RGS12: variants seen among roughly 807,000 people sequenced by gnomAD.
The protein encoded by RGS12 is regulator of G protein signaling 12.
A neutral mutation model predicts 120.1 loss-of-function variants in RGS12; 66 were observed. The observed-to-expected ratio is 0.55, with a 90% CI of 0.45 to 0.67. The LOEUF (loss-of-function observed/expected upper bound fraction) is 0.67. RGS12 is among the 30% of genes least tolerant of loss of function. The pLI, the probability that RGS12 is intolerant of heterozygous loss-of-function variation, is 0.00. For synonymous variants in RGS12, 827 were observed against 804.7 expected (o/e 1.03, Z -0.47); for missense variants, 1,859 against 1,957.7 (o/e 0.95, Z 0.95).
rs1298709393 is a variant in RGS12, at chr4:3,414,736, T to A, written c.2191-16T>A. 6.4e-7 allele frequency: 1 copy of A among 1,557,624 alleles called. No homozygotes were observed. Among genetic ancestry groups the A allele is most frequent in the Admixed American group, 1.7e-5 (1 of 59,934 alleles). ...CCTGTGTCAGTGTTAATAAATGGTGTCTTTGTCTTTCTTAGGATTTTCTAA... is the reference window on the plus strand; with the variant it reads ...CCTGTGTCAGTGTTAATAAATGGTGACTTTGTCTTTCTTAGGATTTTCTAA... On this transcript the variant is annotated splice_polypyrimidine_tract_variant and intron_variant, in intron 5 of 17. Coordinates refer to ENST00000336727, the MANE Select transcript of RGS12 (RefSeq NM_001394154.1).
At position 3,317,634 on chromosome 4, in the gene RGS12, C is replaced by T. The variant is rs770383980; in HGVS notation, c.1464C>T (p.Ala488=). The T allele has an allele frequency of 1.1e-5, 18 of 1,590,138 alleles. No homozygotes were observed. The highest frequency in any genetic ancestry group is 6.8e-5 in the South Asian group (6 of 88,414). Reference sequence around the variant, plus strand: ...CCGAAGGGAGCCCCCCATTTGAGGCCGCTCATCAGACTGACAGGTTCTGGG... The same window carrying T: ...CCGAAGGGAGCCCCCCATTTGAGGCTGCTCATCAGACTGACAGGTTCTGGG... ...PDPEGSPPFE[A]AHQTDRFWDL... Residue 488 remains alanine (A), a synonymous_variant, in exon 2 of 18, where the codon GCC becomes GCT. Transcript: ENST00000336727.
At chr4:3,294,710 C>T (rs904320658) in intron 1 of RGS12, among the ~76,000 whole-genome samples, 5 of 152,202 alleles carry the variant, frequency 3.3e-5, no homozygotes, top group African/African-American at 1.2e-4. Context: ...CAAGTCCAGC[C>T]TTATCTCTGA....
rs1040422867 is a variant in RGS12 at position 3,389,549 on chromosome 4, G to A, written c.2020+3112G>A. On this transcript the variant is annotated intron_variant, in intron 4 of 17. Transcript: ENST00000336727. This position sits in a 1 kb window ranked among gnomAD's most constrained non-coding sequence, Gnocchi z 5.2. ...TCTGCACAGAGCTGGAGCCGCGGCC[G>A]CACAGAAGCCCGTTCTTGTGGCTTC... 1.3e-5 allele frequency among the ~76,000 whole-genome samples: 2 copies of A among 152,140 alleles called. No homozygotes were observed. The highest frequency in any genetic ancestry group is 2.9e-5 in the Non-Finnish European group (2 of 68,020).
Position 3,414,797 on chromosome 4 carries a change from C to T in RGS12, c.2236C>T (p.Gln746Ter). Residue 746 changes from glutamine to a stop codon, truncating the protein, a stop_gained, in exon 6 of 18, where the codon CAG (glutamine) becomes TAG (stop). Transcript: ENST00000336727. LOFTEE classifies it high-confidence loss of function. The part of the protein sequence containing the change: ...EFSEENILFW[Q>*]ACEYFNHVPA... ...CAGTGAAGAAAACATTTTATTCTGG[C>T]AGGCCTGTGAATATTTTAATCATGT... 1.9e-6 allele frequency: 3 copies of T among 1,613,618 alleles called. No individual in the cohort carries two copies. The highest frequency in any genetic ancestry group is 2.5e-6 in the Non-Finnish European group (3 of 1,179,576).
intron 1 of RGS12, among the ~76,000 whole-genome samples, chr4:3,311,976 C>T (rs1724430653): frequency 6.6e-6 from 1 of 152,146 alleles, no homozygotes; most frequent in Non-Finnish European, 1.5e-5. Flanking sequence ...GTTCCCTTTT[C>T]CACACAGTGA....
intron 1 of RGS12, among the ~76,000 whole-genome samples, chr4:3,313,478 G>A (rs1197639923): frequency 6.6e-6 from 1 of 152,170 alleles, no homozygotes; most frequent in Non-Finnish European, 1.5e-5. Flanking sequence ...CCCCTCACCC[G>A]TGACAAAGTG....
Position 3,414,855 on chromosome 4 carries a change from G to A in RGS12, c.2283+11G>A, listed in dbSNP as rs201389750. 6 of 1,597,766 alleles carry A rather than the reference G, an allele frequency of 3.8e-6. No homozygotes were observed. The highest frequency in any genetic ancestry group is 2.2e-5 in the East Asian group (1 of 44,798). On this transcript the variant is annotated intron_variant, in intron 6 of 17. Transcript: ENST00000336727. Reference sequence around the variant, plus strand: ...CATGACAAAAAGGAGGTAAGTCCACGCTTGGGAAGTGGGGGCTGTGTGAGA... The same window carrying A: ...CATGACAAAAAGGAGGTAAGTCCACACTTGGGAAGTGGGGGCTGTGTGAGA...
intron 17 of RGS12, chr4:3,432,334 A>C: frequency 3.3e-6 from 1 of 306,508 alleles, no homozygotes; most frequent in Non-Finnish European, 4.8e-6. Context: ...CACTGAACAA[A>C]ACTCTTGAGC....
At chr4:3,388,581 A>AC (rs1719109846) in intron 4 of RGS12, among the ~76,000 whole-genome samples, 1 of 124,860 alleles carries the variant, frequency 8.0e-6, no homozygotes, top group Non-Finnish European at 1.7e-5. Flanking sequence ...GCTCCCACCC[A>AC]CCCCCCAGCC....
chr4:3,311,176 C>T (rs999532915), intron 1 of RGS12, among the ~76,000 whole-genome samples: 7 of 152,288 alleles, frequency 4.6e-5, no homozygotes, highest in African/African-American at 9.6e-5. Flanking sequence ...TCTCTGCCTT[C>T]GGAGGACGGC....
chr4:3,388,443 C>T lies in RGS12; in HGVS notation c.2020+2006C>T, dbSNP rs150192728. Among the ~76,000 whole-genome samples the T allele has an allele frequency of 8.5e-3, 1,296 of 152,384 alleles. 9 individuals carry two copies. Among genetic ancestry groups the T allele is most frequent in the Non-Finnish European group, 0.013 (896 of 68,044 alleles). Reference sequence around the variant, plus strand: ...ATGAGCTCTAGATCGGTGTCACATTCTGCCGTTGTTAGATGTAGGGCACCG... The same window carrying T: ...ATGAGCTCTAGATCGGTGTCACATTTTGCCGTTGTTAGATGTAGGGCACCG... On this transcript the variant is annotated intron_variant, in intron 4 of 17. Coordinates refer to ENST00000336727, the MANE Select transcript of RGS12 (RefSeq NM_001394154.1).
chr4:3,391,071 A>G (rs1199586253), intron 4 of RGS12, among the ~76,000 whole-genome samples: 3 of 152,272 alleles, frequency 2.0e-5, no homozygotes, highest in Non-Finnish European at 2.9e-5. Flanking sequence ...GCTAAATAGC[A>G]GAAACAGAAT....
intron 3 of RGS12, among the ~76,000 whole-genome samples, chr4:3,363,155 G>A (rs577988899): frequency 6.6e-6 from 1 of 151,408 alleles, no homozygotes; most frequent in African/African-American, 2.4e-5. Context: ...GTGCGCGAGG[G>A]CGTGTGTGTG....
intron 13 of RGS12, chr4:3,423,930 A>T (rs1723323959): frequency 2.9e-6 from 1 of 342,878 alleles, no homozygotes; most frequent in Non-Finnish European, 5.6e-6. Context: ...CCAACCCTGG[A>T]CTATCCTCCG....
rs12640186 is a variant in RGS12, at chr4:3,372,812, C to T, written c.1999-13604C>T. ...CGGGGTTGTCTTCAGGCTGCCAGAGCGTGACAGAAAGAACTTTCTAGAGAC... is the reference window on the plus strand; with the variant it reads ...CGGGGTTGTCTTCAGGCTGCCAGAGTGTGACAGAAAGAACTTTCTAGAGAC... On this transcript the variant is annotated intron_variant, in intron 3 of 17. Transcript: ENST00000336727. The surrounding 1 kb of genome is among the most constrained non-coding windows in gnomAD (Gnocchi z 4.3). Among the ~76,000 whole-genome samples, 40,504 of 152,172 alleles carry T rather than the reference C, an allele frequency of 0.27. 5,531 individuals are homozygous for T. The highest frequency in any genetic ancestry group is 0.36 in the South Asian group (1,717 of 4,822).
rs1724768064 is a variant in RGS12, at chr4:3,316,544, A to T, written c.374A>T (p.Asp125Val). 3.1e-6 allele frequency: 5 copies of T among 1,614,082 alleles called. No individual in the cohort carries two copies. Among genetic ancestry groups the T allele is most frequent in the Non-Finnish European group, 4.2e-6 (5 of 1,180,046 alleles). Residue 125 changes from aspartate to valine, a missense_variant, in exon 2 of 18, where the codon GAT (aspartate) becomes GTT (valine). Physicochemically the swap from Asp to Val is radical, Grantham distance 152 (BLOSUM62 -3). Around this residue, in one of 3 missense-constraint regions of RGS12, gnomAD observed 967 missense variants for 994.2 expected, o/e 0.97. Coordinates refer to ENST00000336727, the MANE Select transcript of RGS12 (RefSeq NM_001394154.1). ...AAAGGCTGGCTGAAGCCCAAGCTGG[A>T]TTCTAAAGCACTAGGTATAAACAGA... ...EGKGWLKPKL[D>V]SKALGINRAE...
At chr4:3,287,974 G>A in the RGS12 span, among the ~76,000 whole-genome samples, 3 of 152,156 alleles carry the variant, frequency 2.0e-5, no homozygotes, top group Non-Finnish European at 4.4e-5. Flanking sequence ...CAGCCCCTTC[G>A]CTCCATCCCT....
intron 14 of RGS12, among the ~76,000 whole-genome samples, chr4:3,426,437 C>A (rs967492633): frequency 6.6e-6 from 1 of 151,980 alleles, no homozygotes; most frequent in African/African-American, 2.4e-5. Context: ...GATCTGGCGC[C>A]CTTCCCTCCA....
intron 4 of RGS12, among the ~76,000 whole-genome samples, chr4:3,396,377 AG>A (rs1720051148): frequency 6.6e-6 from 1 of 152,228 alleles, no homozygotes; most frequent in African/African-American, 2.4e-5. Flanking sequence ...GCCCTTCCCA[AG>A]ACCATGAAAG....
Sources: gnomAD v4.1 joint callset for allele counts (sites outside exome capture counted in the v4.1 genomes callset) on GRCh38, gnomAD v4.1.1 for gene constraint, gnomAD v4.1.1 regional missense constraint, Gnocchi (gnomAD v3.1) non-coding constraint, MANE v1.5 for transcripts, NCBI Gene and HGNC (gene_info 2026-07-23, HGNC 2026-07-21) for gene names.